NRXN3: variants seen among roughly 807,000 people sequenced by gnomAD.
NRXN3 encodes neurexin III.
Under a neutral mutation model 137.6 loss-of-function variants are expected in NRXN3, and 32 were observed. That is an observed-to-expected ratio of 0.23 (90% CI 0.18 to 0.31). The LOEUF (loss-of-function observed/expected upper bound fraction) is 0.31. Ranked by LOEUF, NRXN3 falls within the 10% of genes least tolerant of loss-of-function variation. The pLI is 1.00. For missense variants in NRXN3, 1,574 were observed against 2,062.5 expected, an observed-to-expected ratio of 0.76 and a Z score of 4.59; for synonymous variants, 798 against 784.5, an observed-to-expected ratio of 1.02 and a Z score of -0.29.
intron 16 of NRXN3, among the ~76,000 whole-genome samples, chr14:79,631,434 C>T (rs936222027): frequency 6.6e-6 from 1 of 152,248 alleles, no homozygotes; most frequent in Non-Finnish European, 1.5e-5. Flanking sequence ...CTGCCCTCTG[C>T]TGGCGGGGAG....
chr14:79,333,370 C>T (rs1430577573), intron 15 of NRXN3, among the ~76,000 whole-genome samples: 1 of 152,126 alleles, frequency 6.6e-6, no homozygotes, highest in Non-Finnish European at 1.5e-5. Context: ...GCCACAAATG[C>T]TTGTCATAAA....
intron 4 of NRXN3, among the ~76,000 whole-genome samples, chr14:78,515,364 G>A (rs148163582): frequency 2.8e-4 from 42 of 152,186 alleles, no homozygotes; most frequent in African/African-American, 9.9e-4. Flanking sequence ...GCCAACTATG[G>A]TGGGAGTTAA....
At chr14:79,564,647 T>C (rs906265768) in intron 16 of NRXN3, among the ~76,000 whole-genome samples, 7 of 152,152 alleles carry the variant, frequency 4.6e-5, no homozygotes, top group African/African-American at 1.7e-4. Context: ...TTTCTGTGAG[T>C]GGTGCTGAAA....
At chr14:79,615,397 T>C (rs1056706300) in intron 16 of NRXN3, among the ~76,000 whole-genome samples, 6 of 152,148 alleles carry the variant, frequency 3.9e-5, no homozygotes, top group South Asian at 4.1e-4. Context: ...AGGAGTTCAT[T>C]AGACATAGTA....
intron 8 of NRXN3, among the ~76,000 whole-genome samples, chr14:78,768,486 G>C (rs2098716179): frequency 6.6e-6 from 1 of 152,142 alleles, no homozygotes; most frequent in South Asian, 2.1e-4. Context: ...TATAGTAAGT[G>C]CAATTTTGGC....
chr14:79,075,098 A>G (rs1374064386), intron 15 of NRXN3, among the ~76,000 whole-genome samples: 1 of 152,194 alleles, frequency 6.6e-6, no homozygotes, highest in African/African-American at 2.4e-5. Context: ...AAAACTAAAA[A>G]TCAAATGGTG....
chr14:79,864,187 A>G lies in NRXN3; in HGVS notation c.*2223A>G, dbSNP rs975265491. 3.3e-5 allele frequency: 5 copies of G among 152,700 alleles called. No homozygotes were observed. The highest frequency in any genetic ancestry group is 1.2e-4 in the African/African-American group (5 of 41,574). 9.5% of individuals were successfully genotyped at this position (152,700 alleles called of 1,614,324 possible). A position where few individuals can be genotyped will look rare whatever the true frequency, so the allele number is the denominator to read the frequency against. On this transcript the variant is annotated 3_prime_UTR_variant, in exon 21 of 21. Transcript: ENST00000335750. ...GCTTTCTTTCATTTTTTTCAATTTA[A>G]GTAATAATACATTTGTTATATTCCT...
chr14:78,619,011 A>T (rs1026775165), intron 4 of NRXN3, among the ~76,000 whole-genome samples: 1 of 152,166 alleles, frequency 6.6e-6, no homozygotes, highest in Non-Finnish European at 1.5e-5. Flanking sequence ...TTGGACATGT[A>T]CATAGTTGAC....
chr14:78,342,516 G>C (rs1477341492), intron 4 of NRXN3, among the ~76,000 whole-genome samples: 1 of 152,126 alleles, frequency 6.6e-6, no homozygotes, highest in African/African-American at 2.4e-5. Flanking sequence ...CAGGTAAATT[G>C]TATGTTTCAC....
chr14:79,787,145 G>A (rs780456913), intron 19 of NRXN3, among the ~76,000 whole-genome samples: 3 of 152,198 alleles, frequency 2.0e-5, no homozygotes, highest in Non-Finnish European at 4.4e-5. Context: ...CTGGTACATG[G>A]TTGTAGAATT....
At chr14:78,352,906 A>G (rs1567340265) in intron 4 of NRXN3, among the ~76,000 whole-genome samples, 1 of 152,176 alleles carries the variant, frequency 6.6e-6, no homozygotes, top group Admixed American at 6.5e-5. Flanking sequence ...CTCCCCTCAA[A>G]TCTGCATGCA....
rs201518446 is a variant in NRXN3, at chr14:78,873,874, G to GA, written c.2275+63537dup. On this transcript the variant is annotated intron_variant, in intron 10 of 20. Coordinates refer to ENST00000335750, the MANE Select transcript of NRXN3 (RefSeq NM_001330195.2). ...TGGTCCAAGGGAAAGGATTTTATTAGAAAAAAAGTGAACCTTCTTTTATCC... is the reference window on the plus strand; with the variant it reads ...TGGTCCAAGGGAAAGGATTTTATTAGAAAAAAAAGTGAACCTTCTTTTATCC... Among the ~76,000 whole-genome samples the GA allele has an allele frequency of 8.4e-3, 1,280 of 151,680 alleles. 15 individuals are homozygous for GA. The highest frequency in any genetic ancestry group is 0.03 in the African/African-American group (1,237 of 41,356).
At chr14:79,857,369 C>A (rs1016863169) in intron 20 of NRXN3, among the ~76,000 whole-genome samples, 5 of 152,074 alleles carry the variant, frequency 3.3e-5, no homozygotes, top group Non-Finnish European at 7.3e-5. Flanking sequence ...CTACAGGTGC[C>A]AGCCACTATG....
intron 17 of NRXN3, among the ~76,000 whole-genome samples, chr14:79,665,191 G>T (rs538459301): frequency 1.3e-5 from 2 of 152,062 alleles, no homozygotes; most frequent in African/African-American, 4.8e-5. Context: ...CTAGAGTCCC[G>T]CTATATCTGT....
rs572378247 is a variant in NRXN3 at position 78,813,852 on chromosome 14, C to T, written c.2275+3508C>T. ...GGGAAAAAAAGCAGTTTTCTTCTAGCCTTCTTCCTTTTGGCTTCACTTCCT... is the reference window on the plus strand; with the variant it reads ...GGGAAAAAAAGCAGTTTTCTTCTAGTCTTCTTCCTTTTGGCTTCACTTCCT... On this transcript the variant is annotated intron_variant, in intron 10 of 20. Coordinates refer to ENST00000335750, the MANE Select transcript of NRXN3 (RefSeq NM_001330195.2). Among the ~76,000 whole-genome samples, 18 of 152,288 alleles carry T rather than the reference C, an allele frequency of 1.2e-4. No individual in the cohort carries two copies. The South Asian group carries it at 3.7e-3, about 32-fold the overall frequency.
At chr14:79,534,132 T>C (rs112805116) in intron 16 of NRXN3, among the ~76,000 whole-genome samples, 4 of 152,298 alleles carry the variant, frequency 2.6e-5, no homozygotes, top group African/African-American at 9.6e-5. Flanking sequence ...TTAGAGATTG[T>C]TCTAGTACAG....
chr14:78,289,926 A>G (rs540362006), intron 3 of NRXN3, among the ~76,000 whole-genome samples: 2 of 152,218 alleles, frequency 1.3e-5, no homozygotes, highest in Admixed American at 1.3e-4. Context: ...AAGAAACAAA[A>G]CAAAACAAAA....
At chr14:79,581,884 T>A (rs1408746676) in intron 16 of NRXN3, among the ~76,000 whole-genome samples, 3 of 152,174 alleles carry the variant, frequency 2.0e-5, no homozygotes, top group African/African-American at 7.2e-5. Context: ...TTCTCTCAAA[T>A]GGTCTCATCT....
intron 15 of NRXN3, among the ~76,000 whole-genome samples, chr14:79,053,222 C>A (rs2099644537): frequency 6.6e-6 from 1 of 152,170 alleles, no homozygotes. Context: ...ATTTGCCCAG[C>A]ACTTAGTACA....
Sources: gnomAD v4.1 joint callset for allele counts (sites outside exome capture counted in the v4.1 genomes callset) on GRCh38, gnomAD v4.1.1 for gene constraint, MANE v1.5 for transcripts, NCBI Gene and HGNC (gene_info 2026-07-23, HGNC 2026-07-21) for gene names.